The following GPR158 variants were observed in gnomAD, a reference collection of about 807,000 sequenced individuals.
GPR158 encodes the protein metabotropic glycine receptor.
In GPR158, 30 loss-of-function variants were observed where a neutral mutation model predicts 78.2. That is an observed-to-expected ratio of 0.38 (90% CI 0.29 to 0.52). The LOEUF is 0.52. GPR158 is among the 20% of genes least tolerant of loss of function. GPR158 has a pLI of 0.83. For missense variants in GPR158, 1,463 were observed against 1,523.5 expected (o/e 0.96, Z 0.66); for synonymous variants, 581 against 591.1 (o/e 0.98, Z 0.25).
At chr10:25,581,308 A>G (rs1334173516) in intron 7 of GPR158, among the ~76,000 whole-genome samples, 1 of 152,026 alleles carries the variant, frequency 6.6e-6, no homozygotes, top group Non-Finnish European at 1.5e-5. Context: ...GCCTCAAACA[A>G]TCCTCCCTCC....
Position 25,601,287 on chromosome 10 carries a change from T to C in GPR158, c.*2013T>C, listed in dbSNP as rs1429375697. On this transcript the variant is annotated 3_prime_UTR_variant, in exon 11 of 11. Coordinates refer to ENST00000376351, the MANE Select transcript of GPR158 (RefSeq NM_020752.3). The stretch of plus-strand genomic sequence containing the variant: ...TGACTTTATGCATTACTCAGGTTGG[T>C]GGGGTCGGTTTGAGAAGATATAGAA... 1 of 152,646 alleles carries C rather than the reference T, an allele frequency of 6.6e-6. No individual in the cohort carries two copies. Among genetic ancestry groups the C allele is most frequent in the East Asian group, 1.9e-4 (1 of 5,198 alleles). The allele number at this position is 152,646 out of a possible 1,614,324, so 9.5% of individuals were successfully genotyped here.
chr10:25,464,797 G>C (rs1588875901), intron 4 of GPR158, among the ~76,000 whole-genome samples: 1 of 151,882 alleles, frequency 6.6e-6, no homozygotes, highest in Admixed American at 6.6e-5. Flanking sequence ...TGTCTTTTTT[G>C]GAATGTTTAA....
chr10:25,353,366 A>G (rs1332432450), intron 2 of GPR158, among the ~76,000 whole-genome samples: 1 of 152,036 alleles, frequency 6.6e-6, no homozygotes, highest in African/African-American at 2.4e-5. Context: ...ATGGAGGCCA[A>G]GTTTTCTGCT....
chr10:25,465,886 T>C (rs1294295670), intron 4 of GPR158, among the ~76,000 whole-genome samples: 1 of 152,212 alleles, frequency 6.6e-6, no homozygotes, highest in Non-Finnish European at 1.5e-5. Context: ...GTGGCTAAGT[T>C]GGCTGTTCTT....
At chr10:25,205,178 A>G (rs571666128) in intron 1 of GPR158, among the ~76,000 whole-genome samples, 3 of 152,142 alleles carry the variant, frequency 2.0e-5, no homozygotes, top group South Asian at 4.2e-4. Context: ...TTTTCTTTAT[A>G]AATTACCAAG....
intron 4 of GPR158, among the ~76,000 whole-genome samples, chr10:25,430,646 A>G (rs1036157713): frequency 6.7e-6 from 1 of 149,836 alleles, no homozygotes; most frequent in African/African-American, 2.5e-5. Flanking sequence ...ACAGCATGGT[A>G]CTGGTACCAA....
At chr10:25,387,516 ATTT>A (rs57404980) in intron 2 of GPR158, among the ~76,000 whole-genome samples, 116 of 140,456 alleles carry the variant, frequency 8.3e-4, no homozygotes, top group Non-Finnish European at 1.1e-3. Context: ...TTCTCTTCAA[ATTT>A]TTTTTTTTTT....
chr10:25,252,929 A>G lies in GPR158; in HGVS notation c.1008+31772A>G, dbSNP rs1451562391. 4.0e-5 allele frequency among the ~76,000 whole-genome samples: 6 copies of G among 151,248 alleles called. No homozygotes were observed. In the South Asian group the frequency reaches 8.3e-4, roughly 21 times the overall value. On this transcript the variant is annotated intron_variant, in intron 2 of 10. Transcript: ENST00000376351. ...TCCCCCAGCCTCGCTGCCGCCTTGC[A>G]GTTTGATCACAGACTGCTGTGCTAG...
rs1854685817 is a variant in GPR158 at position 25,306,983 on chromosome 10, TCACACACACACACACATA to T, written c.1008+85828_1008+85845del. Among the ~76,000 whole-genome samples, 3 of 140,330 alleles carry T rather than the reference TCACACACACACACACATA, an allele frequency of 2.1e-5. No homozygotes were observed. The South Asian group carries it at 6.9e-4, about 32-fold the overall frequency. 92.1% of individuals were successfully genotyped at this position (140,330 alleles called of 152,430 possible). On this transcript the variant is annotated intron_variant, in intron 2 of 10. Coordinates refer to ENST00000376351, the MANE Select transcript of GPR158 (RefSeq NM_020752.3). ...TTAGGGAAAGGGTTGGGGGAGAGAG[TCACACACACACACACATA>T]CGCACACACACATACAGAGAGAGAG...
In GPR158 at chr10:25,363,833, T is replaced by C. The variant is rs550653237; in HGVS notation, c.1009-32078T>C. On this transcript the variant is annotated intron_variant, in intron 2 of 10. Transcript: ENST00000376351. ...TGCTCAGGTTACATGACCCTCAGGG[T>C]CCATGGCAACTGAAAAATGACTGAC... 3.3e-5 allele frequency among the ~76,000 whole-genome samples: 5 copies of C among 151,958 alleles called. No individual in the cohort carries two copies. The East Asian group carries it at 9.8e-4, about 30-fold the overall frequency.
chr10:25,492,958 CT>C (rs1835831095), intron 5 of GPR158, among the ~76,000 whole-genome samples: 1 of 150,840 alleles, frequency 6.6e-6, no homozygotes, highest in African/African-American at 2.4e-5. Context: ...CTAAATTTCC[CT>C]TTTCAATATT....
At chr10:25,252,858 G>A (rs1853829152) in intron 2 of GPR158, among the ~76,000 whole-genome samples, 2 of 152,270 alleles carry the variant, frequency 1.3e-5, no homozygotes, top group Admixed American at 1.3e-4. Flanking sequence ...CGAGCTTCCT[G>A]GCTGCTTTGT....
chr10:25,409,538 T>C (rs1341545533), intron 3 of GPR158, among the ~76,000 whole-genome samples: 1 of 152,188 alleles, frequency 6.6e-6, no homozygotes, highest in Non-Finnish European at 1.5e-5. Context: ...TCAAAATGTA[T>C]TTTTCTTTTC....
intron 4 of GPR158, among the ~76,000 whole-genome samples, chr10:25,415,867 A>G (rs1588852203): frequency 6.6e-6 from 1 of 152,212 alleles, no homozygotes; most frequent in East Asian, 1.9e-4. Context: ...GGGAGTTACC[A>G]CTAATGAGTT....
chr10:25,494,074 T>C (rs1835846364), intron 5 of GPR158, among the ~76,000 whole-genome samples: 1 of 152,280 alleles, frequency 6.6e-6, no homozygotes, highest in South Asian at 2.1e-4. Context: ...CACAAAAGTG[T>C]TGCATACTAG....
At chr10:25,392,842 A>G (rs1242578402) in intron 2 of GPR158, among the ~76,000 whole-genome samples, 1 of 152,172 alleles carries the variant, frequency 6.6e-6, no homozygotes, top group Admixed American at 6.5e-5. Flanking sequence ...ATAAGCCAAG[A>G]CCACTTGTAT....
chr10:25,365,977 AT>A (rs1855716858), intron 2 of GPR158, among the ~76,000 whole-genome samples: 1 of 151,856 alleles, frequency 6.6e-6, no homozygotes, highest in Middle Eastern at 3.4e-3. Flanking sequence ...ATAGTATTAT[AT>A]AATTTAGCAT....
At chr10:25,200,148 C>CT (rs1852901679) in intron 1 of GPR158, among the ~76,000 whole-genome samples, 1 of 152,102 alleles carries the variant, frequency 6.6e-6, no homozygotes, top group Non-Finnish European at 1.5e-5. Context: ...TATAAGTGTT[C>CT]TTTTTTCTCA....
intron 9 of GPR158, among the ~76,000 whole-genome samples, chr10:25,596,261 T>C (rs1489974830): frequency 1.3e-5 from 2 of 152,204 alleles, no homozygotes; most frequent in Admixed American, 1.3e-4. Flanking sequence ...GCAGGAACTC[T>C]ATGATATTCA....
Sources: gnomAD v4.1 joint callset for allele counts (sites outside exome capture counted in the v4.1 genomes callset) on GRCh38, gnomAD v4.1.1 for gene constraint, MANE v1.5 for transcripts, NCBI Gene and HGNC (gene_info 2026-07-23, HGNC 2026-07-21) for gene names.